SF3A1: variants seen among roughly 807,000 people sequenced by gnomAD.
SF3A1 encodes SAP 114.
SF3A1 carries 13 observed loss-of-function variants against 89.9 expected under a neutral mutation model. That is an observed-to-expected ratio of 0.14 (90% CI 0.09 to 0.23). The LOEUF (loss-of-function observed/expected upper bound fraction) is 0.23, where lower values mean the gene tolerates loss of function less well. Ranked by LOEUF, SF3A1 falls within the 10% of genes least tolerant of loss-of-function variation. The pLI is 1.00. For synonymous variants in SF3A1, 405 were observed against 374.4 expected (o/e 1.08, Z -0.94); for missense variants, 604 against 1,022.1 (o/e 0.59, Z 5.58).
In SF3A1 at chr22:30,339,152, T is replaced by G; in HGVS notation, c.1475A>C (p.Glu492Ala). 2 of 1,614,176 alleles carry G rather than the reference T, an allele frequency of 1.2e-6. No individual in the cohort carries two copies. The highest frequency in any genetic ancestry group is 1.7e-6 in the Non-Finnish European group (2 of 1,180,016). The change falls in exon 10 of 16, where the codon GAG becomes GCG. Residue 492 changes from glutamate to alanine, a missense_variant. By Grantham distance (107) the Glu-to-Ala change is moderately radical. This residue lies in a region of SF3A1 where 22 missense variants were observed against 116.0 expected (regional missense o/e 0.19). Transcript: ENST00000215793. ...TAIGKKIGEE[E>A]IQKPEEKVTW... Reference sequence around the variant, plus strand: ...CACCTTTTCCTCTGGCTTCTGGATCTCCTCCTCACCGATCTTCTTACCAAT... The same window carrying G: ...CACCTTTTCCTCTGGCTTCTGGATCGCCTCCTCACCGATCTTCTTACCAAT...
intron 15 of SF3A1, among the ~76,000 whole-genome samples, chr22:30,335,256 A>C (rs1931029713): frequency 6.6e-6 from 1 of 152,096 alleles, no homozygotes; most frequent in South Asian, 2.1e-4. Flanking sequence ...CAGATCCCAC[A>C]CAAGACTCTA....
Position 30,356,851 on chromosome 22 carries a change from G to T in SF3A1, c.-59C>A. ...GTGTCGGTGAGCGGTGCCGCCTCAA[G>T]ACAGCCTCCCCGCTCGGTCAGTACG... On this transcript the variant is annotated 5_prime_UTR_variant, in exon 1 of 16. Coordinates refer to ENST00000215793, the MANE Select transcript of SF3A1 (RefSeq NM_005877.6). 7.9e-7 allele frequency: 1 copy of T among 1,263,888 alleles called. No homozygotes were observed. Among genetic ancestry groups the T allele is most frequent in the Non-Finnish European group, 1.0e-6 (1 of 992,980 alleles). 78.3% of individuals were successfully genotyped at this position (1,263,888 alleles called of 1,614,324 possible).
Position 30,335,655 on chromosome 22 carries a change from G to A in SF3A1, c.2205C>T (p.Asp735=). 6.2e-7 allele frequency: 1 copy of A among 1,614,026 alleles called. No homozygotes were observed. Residue 735 remains aspartate, a synonymous_variant, in exon 14 of 16, where the codon GAC becomes GAT. Transcript: ENST00000215793. ...CAGTTTCTGGCAGTACCCATACCTGGTCCGTGAGTGGGAGGGTGAAGACCA... is the reference window on the plus strand; with the variant it reads ...CAGTTTCTGGCAGTACCCATACCTGATCCGTGAGTGGGAGGGTGAAGACCA... ...QVLVFTLPLT[D]QVSVIKVKIH... is the part of the protein sequence containing the mutation.
intron 2 of SF3A1, among the ~76,000 whole-genome samples, chr22:30,350,689 A>G (rs1432032362): frequency 6.6e-6 from 1 of 152,228 alleles, no homozygotes; most frequent in Non-Finnish European, 1.5e-5. Context: ...AAAGGATTCC[A>G]AGGACAGAAG....
rs1025381107 is a variant in SF3A1 at position 30,340,485 on chromosome 22, G to C, written c.1190-104C>G. On this transcript the variant is annotated intron_variant, in intron 8 of 15. Coordinates refer to ENST00000215793, the MANE Select transcript of SF3A1 (RefSeq NM_005877.6). ...TCATTCATCAAGGCATCTATTCAGTGCCACTCTTGTACCTGGCACTGTGAA... is the reference window on the plus strand; with the variant it reads ...TCATTCATCAAGGCATCTATTCAGTCCCACTCTTGTACCTGGCACTGTGAA... The C allele has an allele frequency of 3.3e-6, 4 of 1,205,324 alleles. No individual in the cohort carries two copies. In the South Asian group the frequency reaches 5.0e-5, roughly 15 times the overall value. The allele number at this position is 1,205,324 out of a possible 1,614,324, so 74.7% of individuals were successfully genotyped here. A position where few individuals can be genotyped will look rare whatever the true frequency, so the allele number is the denominator to read the frequency against.
intron 6 of SF3A1, 150 bp from the exon 7 acceptor site, chr22:30,342,035 A>T: frequency 8.6e-7 from 1 of 1,157,316 alleles, no homozygotes; most frequent in Non-Finnish European, 1.2e-6. Flanking sequence ...TATTGAATCT[A>T]AGTTGGGCAA....
Position 30,356,723 on chromosome 22 carries a change from G to C in SF3A1, c.63+7C>G. 6.7e-7 allele frequency: 1 copy of C among 1,489,984 alleles called. No individual in the cohort carries two copies. The highest frequency in any genetic ancestry group is 1.4e-5 in the African/African-American group (1 of 69,412). The allele number at this position is 1,489,984 out of a possible 1,614,324, so 92.3% of individuals were successfully genotyped here. On this transcript the variant is annotated splice_region_variant and intron_variant, in intron 1 of 15. Coordinates refer to ENST00000215793, the MANE Select transcript of SF3A1 (RefSeq NM_005877.6). ...CGGCTGCAGGCTGAGGGGCGGGGGA[G>C]AGGTACCTGTTTGGGCTCCGTGGGC... is the stretch of plus-strand genomic sequence containing the variant.
At chr22:30,334,832 G>T in intron 15 of SF3A1, 137 bp from the exon 16 acceptor site, 1 of 593,564 alleles carries the variant, frequency 1.7e-6, no homozygotes, top group Non-Finnish European at 2.9e-6. Flanking sequence ...TAGGGTGTTG[G>T]GGACTGGAGG....
chr22:30,343,529 G>A (rs1047843041), intron 4 of SF3A1, among the ~76,000 whole-genome samples: 1 of 152,150 alleles, frequency 6.6e-6, no homozygotes, highest in South Asian at 2.1e-4. Flanking sequence ...AAAGTGGCTC[G>A]GCCCTATCCC....
intron 5 of SF3A1, 70 bp downstream of exon 5, chr22:30,342,733 CAG>C: frequency 1.0e-6 from 1 of 996,548 alleles, no homozygotes; most frequent in South Asian, 1.3e-5. Flanking sequence ...GGTCCTGCCT[CAG>C]AGACTGTTTT....
intron 1 of SF3A1, among the ~76,000 whole-genome samples, chr22:30,355,916 A>C (rs1028150166): frequency 2.7e-5 from 4 of 146,936 alleles, no homozygotes; most frequent in African/African-American, 1.0e-4. Flanking sequence ...TCCCTTCCCT[A>C]GTCACCTACC....
chr22:30,341,652 A>G (rs1353584190), intron 7 of SF3A1, 40 bp downstream of exon 7: 1 of 1,575,234 alleles, frequency 6.3e-7, no homozygotes, highest in African/African-American at 1.3e-5. Context: ...CTGGGGCTTC[A>G]GGGGAAAAGG....
At position 30,340,052 on chromosome 22, in the gene SF3A1, G is replaced by A. The variant is rs951089168; in HGVS notation, c.1375+144C>T. On this transcript the variant is annotated intron_variant, in intron 9 of 15. Coordinates refer to ENST00000215793, the MANE Select transcript of SF3A1 (RefSeq NM_005877.6). ...TTTCTATGGGGAGTTCTTCTGGAAA[G>A]TGGGGAGTTCTCTTGCAATATCATA... The A allele has an allele frequency of 7.8e-6, 5 of 642,868 alleles. No individual in the cohort carries two copies. In the Admixed American group the frequency reaches 2.0e-4, roughly 26 times the overall value. 39.8% of individuals were successfully genotyped at this position (642,868 alleles called of 1,614,324 possible). A position where few individuals can be genotyped will look rare whatever the true frequency, so the allele number is the denominator to read the frequency against.
At chr22:30,355,983 C>T (rs1318186288) in intron 1 of SF3A1, among the ~76,000 whole-genome samples, 2 of 152,162 alleles carry the variant, frequency 1.3e-5, no homozygotes, top group Non-Finnish European at 2.9e-5. Context: ...TTGTGGGCTT[C>T]CCTACCTTAA....
At chr22:30,343,201 C>T (rs1460286668) in intron 4 of SF3A1, among the ~76,000 whole-genome samples, 1 of 152,194 alleles carries the variant, frequency 6.6e-6, no homozygotes. Flanking sequence ...TTTCATGACA[C>T]TGACCTGCTC....
intron 5 of SF3A1, 85 bp downstream of exon 5, chr22:30,342,720 C>T (rs1330237887): frequency 1.1e-6 from 1 of 912,312 alleles, no homozygotes; most frequent in Admixed American, 1.9e-5. Context: ...TGGAACATAA[C>T]AAGGTCCTGC....
rs1462198447 is a variant in SF3A1, at chr22:30,333,222, T to C, written c.*1372A>G. On this transcript the variant is annotated 3_prime_UTR_variant, in exon 16 of 16. Coordinates refer to ENST00000215793, the MANE Select transcript of SF3A1 (RefSeq NM_005877.6). ...GACCCAGCAGTTTGTAATAAAGCCA[T>C]AAAACTGGTACTGACTCTGGGTGAG... The C allele has an allele frequency of 6.6e-6, 1 of 152,166 alleles. No individual in the cohort carries two copies. The highest frequency in any genetic ancestry group is 1.5e-5 in the Non-Finnish European group (1 of 68,040). 9.4% of individuals were successfully genotyped at this position (152,166 alleles called of 1,614,324 possible). A position where few individuals can be genotyped will look rare whatever the true frequency, so the allele number is the denominator to read the frequency against.
chr22:30,344,737 C>A (rs529242526), intron 4 of SF3A1, among the ~76,000 whole-genome samples, 196 bp downstream of exon 4: 1 of 152,320 alleles, frequency 6.6e-6, no homozygotes, highest in South Asian at 2.1e-4. Context: ...CTTTAGAAAC[C>A]GGCAGTCTGT....
rs1037569108 is a variant in SF3A1 at position 30,356,678 on chromosome 22, G to A, written c.63+52C>T. 5 of 1,347,826 alleles carry A rather than the reference G, an allele frequency of 3.7e-6. No individual in the cohort carries two copies. In the African/African-American group the frequency reaches 6.0e-5, roughly 16 times the overall value. The allele number at this position is 1,347,826 out of a possible 1,614,324, so 83.5% of individuals were successfully genotyped here. A position where few individuals can be genotyped will look rare whatever the true frequency, so the allele number is the denominator to read the frequency against. On this transcript the variant is annotated intron_variant, in intron 1 of 15. Transcript: ENST00000215793. ...GGCCGCTTATTCCTGTGCGAGTAAG[G>A]AGCGCCCAGGCCAACCCTCCGGCTG...
Sources: gnomAD v4.1 joint callset for allele counts (sites outside exome capture counted in the v4.1 genomes callset) on GRCh38, gnomAD v4.1.1 for gene constraint, gnomAD v4.1.1 regional missense constraint, MANE v1.5 for transcripts, NCBI Gene and HGNC (gene_info 2026-07-23, HGNC 2026-07-21) for gene names.